Variants in EHD2 observed in about 807,000 individuals in gnomAD.
EHD2 encodes EH domain-containing protein 2.
EHD2 carries 27 observed loss-of-function variants against 41.0 expected under a neutral mutation model. The observed-to-expected ratio is 0.66, with a 90% confidence interval of 0.49 to 0.91. The LOEUF (loss-of-function observed/expected upper bound fraction) is 0.91, where lower values mean the gene tolerates loss of function less well. EHD2 is among the 40% of genes least tolerant of loss of function. The pLI is 0.00. For synonymous variants in EHD2, 342 were observed against 341.0 expected (o/e 1.00, Z -0.03); for missense variants, 673 against 773.9 (o/e 0.87, Z 1.55).
At chr19:47,737,582 G>A (rs1966938257) in intron 5 of EHD2, among the ~76,000 whole-genome samples, 2 of 151,760 alleles carry the variant, frequency 1.3e-5, no homozygotes, top group Non-Finnish European at 1.5e-5. Context: ...CCTTGAACCC[G>A]GGAGGCAGAG....
intron 5 of EHD2, 109 bp from the exon 6 acceptor site, chr19:47,740,772 C>T: frequency 8.3e-7 from 1 of 1,205,090 alleles, no homozygotes; most frequent in Non-Finnish European, 1.1e-6. Flanking sequence ...TAAAAAAACC[C>T]CACAACAGCT....
rs774680153 is a variant in EHD2 at position 47,721,166 on chromosome 19, T to G, written c.502+2560T>G. On this transcript the variant is annotated intron_variant, in intron 3 of 5. Coordinates refer to ENST00000263277, the MANE Select transcript of EHD2 (RefSeq NM_014601.4). ...TTGTGTCTGGATGTGCTACTGGGGG[T>G]GTGTGTGTGTGTGTGTGTGTGTGTG... Among the ~76,000 whole-genome samples the G allele has an allele frequency of 7.3e-3, 270 of 37,142 alleles. 4 individuals are homozygous for G. Among genetic ancestry groups the G allele is most frequent in the South Asian group, 0.021 (45 of 2,154 alleles). The allele number at this position is 37,142 out of a possible 152,430, so 24.4% of individuals were successfully genotyped here.
chr19:47,739,005 A>C (rs979831517), intron 5 of EHD2, among the ~76,000 whole-genome samples: 1 of 152,032 alleles, frequency 6.6e-6, no homozygotes, highest in African/African-American at 2.4e-5. Flanking sequence ...TCTCACCTCC[A>C]AATTTGGCAG....
At chr19:47,731,943 ACG>A (rs1322423669) in intron 4 of EHD2, 1 of 151,574 alleles carries the variant, frequency 6.6e-6, no homozygotes, top group African/African-American at 2.4e-5. Flanking sequence ...GCCTGCCACC[ACG>A]CCTGGCTAAT....
intron 4 of EHD2, among the ~76,000 whole-genome samples, chr19:47,728,178 T>C (rs1973772005): frequency 6.6e-6 from 1 of 152,070 alleles, no homozygotes; most frequent in Admixed American, 6.6e-5. Flanking sequence ...TGTTTGATTG[T>C]GGCCACAGAT....
At chr19:47,721,384 G>A (rs1294665595) in intron 3 of EHD2, among the ~76,000 whole-genome samples, 2 of 151,568 alleles carry the variant, frequency 1.3e-5, no homozygotes, top group Non-Finnish European at 2.9e-5. Flanking sequence ...GTGCGACCTC[G>A]GCTCGCTGCA....
At chr19:47,737,549 G>A (rs943064358) in intron 5 of EHD2, among the ~76,000 whole-genome samples, 14 of 149,962 alleles carry the variant, frequency 9.3e-5, no homozygotes, top group African/African-American at 3.2e-4. Flanking sequence ...CCCAGCTACT[G>A]GGGAGGCCGA....
rs1170756665 is a variant in EHD2 at position 47,739,403 on chromosome 19, C to T, written c.1081-1478C>T. The stretch of plus-strand genomic sequence containing the variant: ...ATTGCCTGAGGTCAGGAGTTCGAGA[C>T]CAGCCTGGCCAACATGGCGAAACCC... On this transcript the variant is annotated intron_variant, in intron 5 of 5. Coordinates refer to ENST00000263277, the MANE Select transcript of EHD2 (RefSeq NM_014601.4). Among the ~76,000 whole-genome samples, 11 of 148,040 alleles carry T rather than the reference C, an allele frequency of 7.4e-5. No individual in the cohort carries two copies. In the South Asian group the frequency reaches 2.1e-3, roughly 29 times the overall value.
chr19:47,740,927 C>A lies in EHD2; in HGVS notation c.1127C>A (p.Pro376Gln). The A allele has an allele frequency of 6.2e-7, 1 of 1,613,322 alleles. No individual in the cohort carries two copies. The highest frequency in any genetic ancestry group is 8.5e-7 in the Non-Finnish European group (1 of 1,179,906). The change falls in exon 6 of 6, where the codon CCG becomes CAG. Residue 376 changes from proline (P) to glutamine (Q), a missense_variant. By Grantham distance (76) the Pro-to-Gln change is moderately conservative. Transcript: ENST00000263277. ...HDFTKFHSLKPKLLEALDEML... is the reference protein window; with the variant it reads ...HDFTKFHSLKQKLLEALDEML... ...TTCACCAAGTTTCACTCGCTGAAGC[C>A]GAAGCTGCTAGAGGCACTGGACGAG...
At chr19:47,736,346 TG>T in intron 4 of EHD2, 22 bp from the exon 5 acceptor site, 4 of 1,593,608 alleles carry the variant, frequency 2.5e-6, no homozygotes, top group Non-Finnish European at 3.4e-6. Flanking sequence ...TGATGCAGGC[TG>T]AGGTGAGAAC....
At chr19:47,726,379 CTGTA>C in intron 4 of EHD2, 155 bp downstream of exon 4, 1 of 842,546 alleles carries the variant, frequency 1.2e-6, no homozygotes, top group Non-Finnish European at 1.7e-6. Flanking sequence ...GGAGGAAGAA[CTGTA>C]TGGAGAGACT....
intron 2 of EHD2, among the ~76,000 whole-genome samples, chr19:47,717,985 C>T (rs1044662255): frequency 6.7e-6 from 1 of 149,464 alleles, no homozygotes; most frequent in African/African-American, 2.5e-5. Flanking sequence ...TGGAATAGCA[C>T]CTGGTGGCCG....
intron 4 of EHD2, among the ~76,000 whole-genome samples, chr19:47,730,023 C>A (rs1973791918): frequency 6.6e-6 from 1 of 152,098 alleles, no homozygotes; most frequent in Admixed American, 6.6e-5. Context: ...CAGGTTCGTT[C>A]CCGCGGGTCC....
At chr19:47,713,853 G>A (rs1199059881) in intron 1 of EHD2, among the ~76,000 whole-genome samples, 2 of 149,302 alleles carry the variant, frequency 1.3e-5, no homozygotes, top group Middle Eastern at 3.5e-3. Flanking sequence ...CTCCCTCCAC[G>A]CCCTCATCCA....
chr19:47,715,968 C>G (rs1332717723), intron 1 of EHD2, among the ~76,000 whole-genome samples: 1 of 151,742 alleles, frequency 6.6e-6, no homozygotes, highest in African/African-American at 2.4e-5. Flanking sequence ...AGGATTGCAC[C>G]ATATTGGTCA....
chr19:47,741,438 C>A lies in EHD2; in HGVS notation c.*6C>A, dbSNP rs201321731. 7 of 1,042,718 alleles carry A rather than the reference C, an allele frequency of 6.7e-6. No individual in the cohort carries two copies. Among genetic ancestry groups the A allele is most frequent in the Non-Finnish European group, 9.5e-6 (7 of 738,688 alleles). 64.6% of individuals were successfully genotyped at this position (1,042,718 alleles called of 1,614,324 possible). ...ACAAGGGCTCCGCCGAGTGAGCCGG[C>A]CCCCCTCCCATGGCCCTGCTGTGGC... On this transcript the variant is annotated 3_prime_UTR_variant, in exon 6 of 6. Coordinates refer to ENST00000263277, the MANE Select transcript of EHD2 (RefSeq NM_014601.4). The surrounding 1 kb of genome is among the most constrained non-coding windows in gnomAD (Gnocchi z 4.5).
chr19:47,725,437 T>G (rs3786781), intron 3 of EHD2, among the ~76,000 whole-genome samples: 1 of 147,380 alleles, frequency 6.8e-6, no homozygotes, highest in Admixed American at 6.8e-5. Context: ...GGTGTGGTGA[T>G]GCGCGCCTGC....
chr19:47,722,409 C>T (rs1988899585), intron 3 of EHD2, among the ~76,000 whole-genome samples: 2 of 152,194 alleles, frequency 1.3e-5, no homozygotes, highest in East Asian at 1.9e-4. Context: ...CAACGGCCCC[C>T]AACCCCATCC....
intron 4 of EHD2, among the ~76,000 whole-genome samples, chr19:47,730,372 A>C (rs1271807076): frequency 3.7e-5 from 5 of 136,950 alleles, no homozygotes; most frequent in South Asian, 2.3e-4. Context: ...ACCATTAGGC[A>C]CTCCCTCCCC....
Sources: gnomAD v4.1 joint callset for allele counts (sites outside exome capture counted in the v4.1 genomes callset) on GRCh38, gnomAD v4.1.1 for gene constraint, Gnocchi (gnomAD v3.1) non-coding constraint, MANE v1.5 for transcripts, NCBI Gene and HGNC (gene_info 2026-07-23, HGNC 2026-07-21) for gene names.